MARCHF6: variants seen among roughly 807,000 people sequenced by gnomAD.
MARCHF6 encodes the protein membrane associated ring-CH-type finger 6.
In MARCHF6, 31 loss-of-function variants were observed where a neutral mutation model predicts 133.7. The ratio of observed to expected loss-of-function variants is 0.23; its 90% CI spans 0.17 to 0.31. The LOEUF is 0.31. Among genes scored for constraint, MARCHF6 ranks in the 10% least tolerant of loss-of-function variants. MARCHF6 has a pLI of 1.00. For missense variants in MARCHF6, 723 were observed against 1,121.6 expected (o/e 0.64, Z 5.08); for synonymous variants, 395 against 402.5 (o/e 0.98, Z 0.22).
intron 12 of MARCHF6, 102 bp from the exon 13 acceptor site, chr5:10,402,282 G>C (rs1034034072): frequency 8.2e-7 from 1 of 1,220,924 alleles, no homozygotes; most frequent in African/African-American, 1.5e-5. Flanking sequence ...GACAAAATGT[G>C]AAATAAATTA....
intron 4 of MARCHF6, among the ~76,000 whole-genome samples, chr5:10,383,662 T>G (rs1325191521): frequency 1.3e-5 from 2 of 152,212 alleles, no homozygotes; most frequent in Non-Finnish European, 2.9e-5. Context: ...ATTGGAAAGT[T>G]TACTACCTTA....
Position 10,391,671 on chromosome 5 carries a change from A to G in MARCHF6, c.706A>G (p.Asn236Asp), listed in dbSNP as rs767721638. 1.2e-6 allele frequency: 2 copies of G among 1,607,494 alleles called. No homozygotes were observed. The highest frequency in any genetic ancestry group is 1.7e-6 in the Non-Finnish European group (2 of 1,177,174). Residue 236 changes from asparagine to aspartate, a missense_variant, in exon 7 of 26, where the codon AAT becomes GAT. Coordinates refer to ENST00000274140, the MANE Select transcript of MARCHF6 (RefSeq NM_005885.4). ...DDQAEEEEED[N>D]EEEDDAGVED... is the part of the protein sequence containing the mutation. Reference sequence around the variant, plus strand: ...CCAGGCAGAAGAGGAGGAGGAGGACAATGAGGAGGAAGATGACGCTGGTGT... The same window carrying G: ...CCAGGCAGAAGAGGAGGAGGAGGACGATGAGGAGGAAGATGACGCTGGTGT...
At chr5:10,425,386 G>A (rs1740028774) in intron 23 of MARCHF6, among the ~76,000 whole-genome samples, 1 of 152,162 alleles carries the variant, frequency 6.6e-6, no homozygotes. Context: ...ATGGAGATGG[G>A]ATTTATTCAT....
intron 21 of MARCHF6, 149 bp downstream of exon 21, chr5:10,415,818 C>CATGA: frequency 1.5e-6 from 1 of 686,506 alleles, no homozygotes; most frequent in Non-Finnish European, 2.4e-6. Context: ...AATACTCTTT[C>CATGA]AAGATAGTGG....
At chr5:10,417,558 C>T in intron 22 of MARCHF6, 154 bp downstream of exon 22, 1 of 894,840 alleles carries the variant, frequency 1.1e-6, no homozygotes, top group Non-Finnish European at 1.7e-6. Flanking sequence ...CCAGCCTGGG[C>T]AGCATGGCAA....
At position 10,353,806 on chromosome 5, in the gene MARCHF6, C is replaced by A; in HGVS notation, c.-93C>A. The A allele has an allele frequency of 8.3e-7, 1 of 1,210,050 alleles. No individual in the cohort carries two copies. The highest frequency in any genetic ancestry group is 1.2e-6 in the Non-Finnish European group (1 of 856,444). The allele number at this position is 1,210,050 out of a possible 1,614,324, so 75.0% of individuals were successfully genotyped here. On this transcript the variant is annotated 5_prime_UTR_variant, in exon 1 of 26. Transcript: ENST00000274140. ...TCTCGCACCTGAGCGTACGCACCTG[C>A]CCGGGCCCGGCTCCCTCCTCCTCTC...
chr5:10,412,535 A>G (rs941669774), intron 19 of MARCHF6, among the ~76,000 whole-genome samples: 1 of 152,172 alleles, frequency 6.6e-6, no homozygotes, highest in African/African-American at 2.4e-5. Context: ...GGACTAGGGC[A>G]CATTAGGCAT....
intron 1 of MARCHF6, among the ~76,000 whole-genome samples, chr5:10,363,047 G>A (rs1735921681): frequency 6.6e-6 from 1 of 152,028 alleles, no homozygotes; most frequent in African/African-American, 2.4e-5. Flanking sequence ...TTAACTCAAA[G>A]GGCTGTTAGA....
At chr5:10,401,976 C>G (rs1212699682) in intron 11 of MARCHF6, 83 bp from the exon 12 acceptor site, 3 of 802,356 alleles carry the variant, frequency 3.7e-6, no homozygotes, top group Non-Finnish European at 6.5e-6. Flanking sequence ...CTCTTTTAGT[C>G]ATTTAGATTG....
intron 1 of MARCHF6, chr5:10,354,575 G>A (rs532984482): frequency 2.0e-5 from 3 of 152,224 alleles, no homozygotes; most frequent in South Asian, 4.2e-4. Flanking sequence ...TTTTGGATAC[G>A]GTTACATTGA....
chr5:10,407,025 T>C (rs959920369), intron 16 of MARCHF6, 77 bp from the exon 17 acceptor site: 7 of 757,104 alleles, frequency 9.2e-6, no homozygotes, highest in Admixed American at 2.1e-5. Context: ...ATTGCTTGAG[T>C]GTGCTCAGAA....
chr5:10,399,766 T>G (rs1579581020), intron 10 of MARCHF6, among the ~76,000 whole-genome samples: 1 of 152,162 alleles, frequency 6.6e-6, no homozygotes, highest in Non-Finnish European at 1.5e-5. Flanking sequence ...CATATTACTT[T>G]TAGTTGTTAA....
At position 10,390,314 on chromosome 5, in the gene MARCHF6, TA is replaced by T; in HGVS notation, c.408-17del. 1 of 1,606,410 alleles carries T rather than the reference TA, an allele frequency of 6.2e-7. No individual in the cohort carries two copies. The highest frequency in any genetic ancestry group is 1.3e-5 in the African/African-American group (1 of 74,746). On this transcript the variant is annotated splice_polypyrimidine_tract_variant and intron_variant, in intron 5 of 25. Transcript: ENST00000274140. The stretch of plus-strand genomic sequence containing the variant: ...AAGTCTTCTTTGGAGTAATTATATG[TA>T]CTTTTTTTTTTAATAGGGAAAATTT...
chr5:10,388,545 A>G (rs1473922260), intron 5 of MARCHF6, among the ~76,000 whole-genome samples: 1 of 152,172 alleles, frequency 6.6e-6, no homozygotes, highest in Non-Finnish European at 1.5e-5. Flanking sequence ...TGGGGTCAGC[A>G]GTTTGGGCTG....
chr5:10,431,471 C>G (rs1434208438), intron 25 of MARCHF6, among the ~76,000 whole-genome samples: 4 of 152,140 alleles, frequency 2.6e-5, no homozygotes, highest in African/African-American at 4.8e-5. Context: ...TCTGCTTTTT[C>G]CTGTAGCCCA....
At chr5:10,422,423 A>G (rs1739872478) in intron 22 of MARCHF6, among the ~76,000 whole-genome samples, 1 of 152,216 alleles carries the variant, frequency 6.6e-6, no homozygotes, top group Non-Finnish European at 1.5e-5. Context: ...TCCAAGATAA[A>G]AACACGTAAT....
At chr5:10,367,278 G>A (rs1487456783) in intron 1 of MARCHF6, among the ~76,000 whole-genome samples, 4 of 152,136 alleles carry the variant, frequency 2.6e-5, no homozygotes. Context: ...ATAAACCATG[G>A]ATTTGAGTTA....
chr5:10,355,399 T>C (rs1735391559), intron 1 of MARCHF6, among the ~76,000 whole-genome samples: 1 of 152,252 alleles, frequency 6.6e-6, no homozygotes, highest in Non-Finnish European at 1.5e-5. Flanking sequence ...GGTACGGACG[T>C]ATTACATTCA....
At chr5:10,392,771 A>T (rs541035182) in intron 7 of MARCHF6, among the ~76,000 whole-genome samples, 3 of 150,926 alleles carry the variant, frequency 2.0e-5, no homozygotes, top group African/African-American at 4.9e-5. Context: ...AAAAAAAAAG[A>T]TCCAAGACAG....
Sources: gnomAD v4.1 joint callset for allele counts (sites outside exome capture counted in the v4.1 genomes callset) on GRCh38, gnomAD v4.1.1 for gene constraint, MANE v1.5 for transcripts, NCBI Gene and HGNC (gene_info 2026-07-23, HGNC 2026-07-21) for gene names.